SLCO5A1: variants seen among roughly 807,000 people sequenced by gnomAD.
SLCO5A1 encodes the protein organic anion transporter polypeptide-related protein 4.
SLCO5A1 carries 39 observed loss-of-function variants against 65.1 expected under a neutral mutation model. The ratio of observed to expected loss-of-function variants is 0.60; its 90% CI spans 0.46 to 0.78. The LOEUF (loss-of-function observed/expected upper bound fraction) is 0.78, where lower values mean the gene tolerates loss of function less well. SLCO5A1 is among the 30% of genes least tolerant of loss of function. The probability of loss-of-function intolerance (pLI) is 0.00; values close to 1 mark genes in which losing one functional copy is unlikely to be tolerated. For missense variants in SLCO5A1, 1,029 were observed against 1,069.4 expected (o/e 0.96, Z 0.53); for synonymous variants, 438 against 415.7 (o/e 1.05, Z -0.65).
At chr8:69,688,777 G>A (rs1018863035) in intron 6 of SLCO5A1, among the ~76,000 whole-genome samples, 1 of 152,094 alleles carries the variant, frequency 6.6e-6, no homozygotes, top group Non-Finnish European at 1.5e-5. Flanking sequence ...TTGCTATTGT[G>A]AATAGTCCCG....
chr8:69,738,235 T>C, intron 4 of SLCO5A1, 31 bp from the exon 5 acceptor site: 1 of 1,558,876 alleles, frequency 6.4e-7, no homozygotes, highest in Non-Finnish European at 8.7e-7. Flanking sequence ...CAAATGAATG[T>C]TATAAACAAT....
At chr8:69,762,020 A>G (rs565184521) in intron 2 of SLCO5A1, 145 bp from the exon 3 acceptor site, 1 of 955,934 alleles carries the variant, frequency 1.0e-6, no homozygotes, top group Non-Finnish European at 1.5e-6. Context: ...ATTTGTGTCC[A>G]TGTCTACATC....
chr8:69,828,619 A>G (rs1038190223), intron 2 of SLCO5A1, among the ~76,000 whole-genome samples: 1 of 152,088 alleles, frequency 6.6e-6, no homozygotes, highest in Non-Finnish European at 1.5e-5. Context: ...AAAGAAAAGA[A>G]AAGAAAAGAA....
chr8:69,723,604 A>G lies in SLCO5A1; in HGVS notation c.1423+14436T>C, dbSNP rs569363967. On this transcript the variant is annotated intron_variant, in intron 5 of 9. Transcript: ENST00000260126. ...TTCACTTATCCTTTATATCCCTCAA[A>G]AGAAAAAAAATTTGAGGTGAGAGGA... is the stretch of plus-strand genomic sequence containing the variant. Among the ~76,000 whole-genome samples the G allele has an allele frequency of 3.9e-5, 6 of 152,118 alleles. No individual in the cohort carries two copies. In the South Asian group the frequency reaches 1.2e-3, roughly 32 times the overall value.
intron 2 of SLCO5A1, among the ~76,000 whole-genome samples, chr8:69,829,246 T>C (rs971650511): frequency 7.2e-5 from 11 of 152,188 alleles, no homozygotes; most frequent in Admixed American, 3.3e-4. Flanking sequence ...ATCAAGCCTC[T>C]AGACTGATCT....
chr8:69,742,156 T>C (rs1816812044), intron 4 of SLCO5A1, among the ~76,000 whole-genome samples: 1 of 152,220 alleles, frequency 6.6e-6, no homozygotes, highest in Non-Finnish European at 1.5e-5. Flanking sequence ...AATCAGGATG[T>C]AGGGTACACT....
At chr8:69,749,486 T>G (rs567433619) in intron 4 of SLCO5A1, among the ~76,000 whole-genome samples, 134 of 151,726 alleles carry the variant, frequency 8.8e-4, no homozygotes, top group African/African-American at 3.1e-3. Context: ...GGTGTGGGGG[T>G]GGGTGCCTGT....
intron 5 of SLCO5A1, among the ~76,000 whole-genome samples, chr8:69,718,657 C>T (rs1425888226): frequency 6.6e-6 from 1 of 152,080 alleles, no homozygotes; most frequent in Non-Finnish European, 1.5e-5. Flanking sequence ...AGAAAACTTA[C>T]AAAAATATGT....
chr8:69,719,987 T>C (rs371907515), intron 5 of SLCO5A1, among the ~76,000 whole-genome samples: 3 of 152,182 alleles, frequency 2.0e-5, no homozygotes, highest in East Asian at 1.9e-4. Flanking sequence ...CCGCAACAAT[T>C]GGGTAGAAAT....
intron 5 of SLCO5A1, among the ~76,000 whole-genome samples, chr8:69,711,835 C>T (rs190487118): frequency 2.6e-3 from 400 of 152,330 alleles, no homozygotes; most frequent in Non-Finnish European, 4.5e-3. Context: ...TGACCAACAG[C>T]ATACACTCAA....
At chr8:69,802,220 G>C (rs1586816939) in intron 2 of SLCO5A1, among the ~76,000 whole-genome samples, 1 of 152,180 alleles carries the variant, frequency 6.6e-6, no homozygotes, top group East Asian at 1.9e-4. Context: ...CGTTTAATGT[G>C]GGCTGGGCAC....
intron 2 of SLCO5A1, among the ~76,000 whole-genome samples, chr8:69,810,354 C>T (rs1041307690): frequency 3.3e-5 from 5 of 152,162 alleles, no homozygotes; most frequent in South Asian, 2.1e-4. Context: ...GGGTAAGAAG[C>T]GGAGCCTACA....
chr8:69,703,462 C>A (rs1814837894), intron 6 of SLCO5A1, among the ~76,000 whole-genome samples: 1 of 152,136 alleles, frequency 6.6e-6, no homozygotes, highest in African/African-American at 2.4e-5. Context: ...AGGAGACTCA[C>A]TTGTGACCGG....
At position 69,812,828 on chromosome 8, in the gene SLCO5A1, C is replaced by A. The variant is rs1820263194; in HGVS notation, c.907+18939G>T. On this transcript the variant is annotated intron_variant, in intron 2 of 9. Coordinates refer to ENST00000260126, the MANE Select transcript of SLCO5A1 (RefSeq NM_030958.3). ...TTAGCAGCAAAACCAACTTTTGGAA[C>A]CATTTTGTTAGATTTATGTATATCT... is the stretch of plus-strand genomic sequence containing the variant. Among the ~76,000 whole-genome samples, 13 of 152,182 alleles carry A rather than the reference C, an allele frequency of 8.5e-5. No homozygotes were observed. The South Asian group carries it at 2.7e-3, about 31-fold the overall frequency.
chr8:69,748,650 A>G (rs560852903), intron 4 of SLCO5A1, among the ~76,000 whole-genome samples: 89 of 152,322 alleles, frequency 5.8e-4, no homozygotes, highest in African/African-American at 2.0e-3. Context: ...AAGCTATATA[A>G]TCATCATTAT....
Position 69,669,515 on chromosome 8 carries a change from T to A in SLCO5A1, c.*3354A>T, listed in dbSNP as rs1813270819. On this transcript the variant is annotated 3_prime_UTR_variant, in exon 10 of 10. Transcript: ENST00000260126. ...CTGAGTCTTGGTTTCATATGTTTTTTAAAAAAATAATAAAATCAGCCGGGC... is the reference window on the plus strand; with the variant it reads ...CTGAGTCTTGGTTTCATATGTTTTTAAAAAAAATAATAAAATCAGCCGGGC... 6.6e-6 allele frequency: 1 copy of A among 152,102 alleles called. No individual in the cohort carries two copies. Among genetic ancestry groups the A allele is most frequent in the African/African-American group, 2.4e-5 (1 of 41,418 alleles). The allele number at this position is 152,102 out of a possible 1,614,324, so 9.4% of individuals were successfully genotyped here. A position where few individuals can be genotyped will look rare whatever the true frequency, so the allele number is the denominator to read the frequency against.
rs2130930718 is a variant in SLCO5A1 at position 69,831,788 on chromosome 8, C to A, written c.886G>T (p.Glu296Ter). 1.2e-6 allele frequency: 2 copies of A among 1,614,036 alleles called. No individual in the cohort carries two copies. The highest frequency in any genetic ancestry group is 4.5e-5 in the East Asian group (2 of 44,882). The stretch of plus-strand genomic sequence containing the variant: ...TTACCTAGGTACAAGGAGGAGTTTT[C>A]TTTCTTGACATTGTCATCTAAGTAG... Reference protein sequence around the residue: ...PTYLDDNVKKENSSLYLAIMY... With the variant: ...PTYLDDNVKK The change falls in exon 2 of 10, where the codon GAA becomes TAA. Residue 296 changes from glutamate to a stop codon, truncating the protein, a stop_gained. Transcript: ENST00000260126. LOFTEE classifies it high-confidence loss of function.
chr8:69,815,683 CACACACAA>C (rs1820375192), intron 2 of SLCO5A1, among the ~76,000 whole-genome samples: 1 of 148,062 alleles, frequency 6.8e-6, no homozygotes, highest in African/African-American at 2.5e-5. Context: ...CACACACACA[CACACACAA>C]AATTACATCA....
intron 6 of SLCO5A1, 100 bp downstream of exon 6, chr8:69,704,931 C>T: frequency 9.1e-7 from 1 of 1,098,782 alleles, no homozygotes; most frequent in Non-Finnish European, 1.4e-6. Flanking sequence ...GGGAGAACAG[C>T]TTGGAGGGAG....
Sources: allele counts gnomAD v4.1 joint callset (sites outside exome capture counted in the v4.1 genomes callset), GRCh38; gene constraint gnomAD v4.1.1; transcripts MANE v1.5; gene names NCBI Gene and HGNC (gene_info 2026-07-23, HGNC 2026-07-21).